GART: variants seen among roughly 807,000 people sequenced by gnomAD.
The protein encoded by GART is trifunctional purine biosynthetic protein adenosine-3.
In GART, 43 loss-of-function variants were observed where a neutral mutation model predicts 107.2. That is an observed-to-expected ratio of 0.40 (90% CI 0.31 to 0.52). The LOEUF (loss-of-function observed/expected upper bound fraction) is 0.52, where lower values mean the gene tolerates loss of function less well. GART is among the 20% of genes least tolerant of loss of function. The pLI is 0.52. For missense variants in GART, 1,107 were observed against 1,206.5 expected, an observed-to-expected ratio of 0.92 and a Z score of 1.22; for synonymous variants, 434 against 427.0, an observed-to-expected ratio of 1.02 and a Z score of -0.20.
chr21:33,527,617 T>C (rs1394186877), intron 10 of GART, among the ~76,000 whole-genome samples: 1 of 152,108 alleles, frequency 6.6e-6, no homozygotes, highest in East Asian at 1.9e-4. Flanking sequence ...CTTACGGCAC[T>C]GGAACTTAGA....
chr21:33,508,591 C>G (rs2043355091), intron 18 of GART, among the ~76,000 whole-genome samples: 1 of 144,134 alleles, frequency 6.9e-6, no homozygotes. Context: ...AATCTCAGCT[C>G]ATTGCAACCT....
In GART at chr21:33,522,278, A is replaced by T. The variant is rs990783556; in HGVS notation, c.1303T>A (p.Leu435Met). 2.5e-6 allele frequency: 4 copies of T among 1,608,938 alleles called. No homozygotes were observed. Among genetic ancestry groups the T allele is most frequent in the Non-Finnish European group, 3.4e-6 (4 of 1,175,464 alleles). ...TCTACTCCAGATTCCTTGTAAGTCAAACTCCTAAAGAATTAAAAACAAGTC... is the reference window on the plus strand; with the variant it reads ...TCTACTCCAGATTCCTTGTAAGTCATACTCCTAAAGAATTAAAAACAAGTC... Reference protein sequence around the residue: ...AIAFLQQPRSLTYKESGVDIA... With the variant: ...AIAFLQQPRSMTYKESGVDIA... The change falls in exon 12 of 22, where the codon TTG becomes ATG. Residue 435 changes from leucine (L) to methionine (M), a missense_variant. Coordinates refer to ENST00000381815, the MANE Select transcript of GART (RefSeq NM_000819.5).
chr21:33,540,054 TATC>T (rs766483553), intron 1 of GART, among the ~76,000 whole-genome samples: 66 of 152,328 alleles, frequency 4.3e-4, no homozygotes, highest in Non-Finnish European at 8.2e-4. Context: ...ATAATTAGGT[TATC>T]ATAAATTAAA....
chr21:33,528,980 A>T (rs2085130466), intron 7 of GART, 43 bp from the exon 8 acceptor site: 1 of 1,373,070 alleles, frequency 7.3e-7, no homozygotes, highest in South Asian at 1.2e-5. Context: ...AGGTAACTTA[A>T]AAAGTCTAAG....
intron 1 of GART, among the ~76,000 whole-genome samples, chr21:33,539,620 TAGG>T (rs71942989): frequency 0.18 from 27,551 of 150,974 alleles, 3,039 homozygotes; most frequent in Non-Finnish European, 0.24. Context: ...TTGAACCTGG[TAGG>T]AGGAGATCGC....
chr21:33,504,623 G>T, intron 20 of GART, 96 bp from the exon 21 acceptor site: 1 of 846,026 alleles, frequency 1.2e-6, no homozygotes, highest in Non-Finnish European at 1.9e-6. Context: ...AGTCAAACAG[G>T]AGTTGGATTT....
At chr21:33,507,862 A>T (rs897129759) in intron 18 of GART, among the ~76,000 whole-genome samples, 4 of 152,066 alleles carry the variant, frequency 2.6e-5, no homozygotes, top group African/African-American at 2.4e-5. Flanking sequence ...AACAAAAAAA[A>T]ACTGAAATAA....
At chr21:33,527,039 C>T (rs2085086739) in intron 10 of GART, among the ~76,000 whole-genome samples, 1 of 152,204 alleles carries the variant, frequency 6.6e-6, no homozygotes, top group African/African-American at 2.4e-5. Context: ...AACTATTATA[C>T]ACTTGTTACT....
intron 18 of GART, chr21:33,509,063 A>G (rs889375701): frequency 2.0e-5 from 3 of 152,216 alleles, no homozygotes; most frequent in Admixed American, 1.3e-4. Flanking sequence ...CTGTAAAGCA[A>G]TTAAACTTCT....
intron 12 of GART, among the ~76,000 whole-genome samples, chr21:33,521,527 G>A (rs1458451903): frequency 1.3e-5 from 2 of 151,652 alleles, no homozygotes; most frequent in African/African-American, 4.8e-5. Flanking sequence ...AGCTACTCGG[G>A]AGGCTGAGGC....
rs141635320 is a variant in GART, at chr21:33,539,172, G to T, written c.144C>A (p.Thr48=). 26 of 1,611,196 alleles carry T rather than the reference G, an allele frequency of 1.6e-5. 1 individual carries two copies. In the East Asian group the frequency reaches 5.6e-4, roughly 35 times the overall value. ...CTCCCCACTTTAAAACATGATTACC[G>T]GTATTTGAAATCTTTTCAGAGCAGG... ...GTACSEKISN[T]AISISDHTAL... is the part of the protein sequence containing the mutation. Residue 48 remains threonine, a splice_region_variant and synonymous_variant, in exon 2 of 22, where the codon ACC becomes ACA. Coordinates refer to ENST00000381815, the MANE Select transcript of GART (RefSeq NM_000819.5).
chr21:33,513,497 G>A (rs1050213015), intron 16 of GART, among the ~76,000 whole-genome samples: 4 of 152,132 alleles, frequency 2.6e-5, no homozygotes, highest in African/African-American at 7.2e-5. Flanking sequence ...TTGAACCCGG[G>A]AGGTGGAGGT....
intron 16 of GART, among the ~76,000 whole-genome samples, chr21:33,515,841 C>T (rs1346981403): frequency 2.0e-5 from 3 of 152,094 alleles, no homozygotes; most frequent in African/African-American, 7.2e-5. Context: ...TGGGTGGTAT[C>T]TATGTCCAGC....
intron 10 of GART, among the ~76,000 whole-genome samples, chr21:33,526,808 C>T (rs543009583): frequency 2.0e-5 from 3 of 152,290 alleles, no homozygotes; most frequent in African/African-American, 7.2e-5. Flanking sequence ...CCAAAGGGGA[C>T]AGTTTATGTA....
intron 15 of GART, 54 bp from the exon 16 acceptor site, chr21:33,517,195 C>T (rs2084894214): frequency 6.4e-7 from 1 of 1,568,152 alleles, no homozygotes; most frequent in Admixed American, 1.9e-5. Flanking sequence ...AAAACCAAAA[C>T]ATAAAAATCA....
upstream of GART, chr21:33,542,594 T>C (rs989021554): frequency 1.3e-5 from 2 of 157,606 alleles, no homozygotes; most frequent in Admixed American, 6.2e-5. Flanking sequence ...CACATGCCAG[T>C]GGGGGCGGGG....
chr21:33,535,299 G>T lies in GART; in HGVS notation c.167C>A (p.Thr56Asn). 1 of 1,225,504 alleles carries T rather than the reference G, an allele frequency of 8.2e-7. No individual in the cohort carries two copies. The allele number at this position is 1,225,504 out of a possible 1,614,324, so 75.9% of individuals were successfully genotyped here. ...CTCTTTGCAGAATTGAGCAAGGGCA[G>T]TGTGGTCACTGATTGAGATGGCTGT... ...SNTAISISDH[T>N]ALAQFCKEKK... Residue 56 changes from threonine to asparagine, a missense_variant, in exon 3 of 22, where the codon ACT (threonine) becomes AAT (asparagine). Thr to Asn is a moderately conservative substitution (Grantham distance 65, BLOSUM62 0). Coordinates refer to ENST00000381815, the MANE Select transcript of GART (RefSeq NM_000819.5).
Position 33,528,873 on chromosome 21 carries a change from T to C in GART, c.788A>G (p.Gln263Arg), listed in dbSNP as rs766240459. The change falls in exon 8 of 22, where the codon CAG becomes CGG. Residue 263 changes from glutamine (Q) to arginine (R), a missense_variant. Gln to Arg is a conservative substitution (Grantham distance 43). Coordinates refer to ENST00000381815, the MANE Select transcript of GART (RefSeq NM_000819.5). Reference sequence around the variant, plus strand: ...ACCTGTATATGGAGTACCCTCTTGCTGCATGCCATCCACTGTCCTCTGAAG... The same window carrying C: ...ACCTGTATATGGAGTACCCTCTTGCCGCATGCCATCCACTGTCCTCTGAAG... ...TVLQRTVDGM[Q>R]QEGTPYTGIL... is the part of the protein sequence containing the mutation. 1.9e-6 allele frequency: 3 copies of C among 1,613,384 alleles called. No homozygotes were observed. The South Asian group carries it at 3.3e-5, about 18-fold the overall frequency.
intron 14 of GART, among the ~76,000 whole-genome samples, chr21:33,519,570 A>G (rs1397966709): frequency 3.3e-5 from 5 of 151,494 alleles, no homozygotes; most frequent in Non-Finnish European, 4.4e-5. Context: ...AAAAAAAAAA[A>G]AGAGGCAGTG....
Sources: gnomAD v4.1 joint callset for allele counts (sites outside exome capture counted in the v4.1 genomes callset) on GRCh38, gnomAD v4.1.1 for gene constraint, MANE v1.5 for transcripts, NCBI Gene and HGNC (gene_info 2026-07-23, HGNC 2026-07-21) for gene names.